ELAVL4: variants seen among roughly 807,000 people sequenced by gnomAD.
ELAVL4 encodes ELAV like RNA binding protein 4.
In ELAVL4, 1 loss-of-function variant was observed where a neutral mutation model predicts 35.6. The ratio of observed to expected loss-of-function variants is 0.03; its 90% confidence interval spans 0.01 to 0.13. The LOEUF (loss-of-function observed/expected upper bound fraction) is 0.13. Among genes scored for constraint, ELAVL4 ranks in the 10% least tolerant of loss-of-function variants. The probability of loss-of-function intolerance (pLI) is 1.00; values close to 1 mark genes in which losing one functional copy is unlikely to be tolerated. For synonymous variants in ELAVL4, 156 were observed against 171.0 expected (o/e 0.91, Z 0.69); for missense variants, 267 against 464.9 (o/e 0.57, Z 3.91).
intron 1 of ELAVL4, among the ~76,000 whole-genome samples, chr1:50,112,047 T>A (rs1418328860): frequency 4.6e-5 from 7 of 152,170 alleles, no homozygotes; most frequent in African/African-American, 1.4e-4. Context: ...AAAGTACACT[T>A]AATTTTTGCT....
chr1:50,096,267 G>T (rs151127469), intron 1 of ELAVL4, among the ~76,000 whole-genome samples: 1 of 151,704 alleles, frequency 6.6e-6, no homozygotes, highest in Non-Finnish European at 1.5e-5. Context: ...CTGTGGTAAT[G>T]CTCTGACATG....
At chr1:50,133,086 T>C (rs1671137783) in intron 1 of ELAVL4, among the ~76,000 whole-genome samples, 1 of 152,214 alleles carries the variant, frequency 6.6e-6, no homozygotes, top group Non-Finnish European at 1.5e-5. Flanking sequence ...ATGAGTTATT[T>C]AGCCATCCCC....
At chr1:50,200,159 C>T (rs1185725245) in intron 6 of ELAVL4, among the ~76,000 whole-genome samples, 2 of 152,006 alleles carry the variant, frequency 1.3e-5, no homozygotes, top group Admixed American at 6.5e-5. Flanking sequence ...CTAAATGAAA[C>T]ATGAACCACC....
chr1:50,108,626 T>A (rs1666569858), upstream of ELAVL4, among the ~76,000 whole-genome samples: 1 of 152,070 alleles, frequency 6.6e-6, no homozygotes, highest in Non-Finnish European at 1.5e-5. Flanking sequence ...TTTGCAAGCC[T>A]CCAGTGACCT....
chr1:50,118,495 A>T (rs1030259972), intron 1 of ELAVL4, among the ~76,000 whole-genome samples: 1 of 106,138 alleles, frequency 9.4e-6, no homozygotes, highest in Non-Finnish European at 1.7e-5. Flanking sequence ...CATTTGAAGG[A>T]AAAAAAAAGA....
upstream of ELAVL4, chr1:50,106,016 A>G (rs376298538): frequency 3.1e-6 from 1 of 322,162 alleles, no homozygotes; most frequent in Non-Finnish European, 5.6e-6. Context: ...TTTTCCCTAT[A>G]TTTATGAAGG....
In ELAVL4 at chr1:50,070,656, G is replaced by A. The variant is rs372284864; in HGVS notation, c.18+22474G>A. On this transcript the variant is annotated intron_variant, in intron 1 of 6. Transcript: ENST00000448907. Reference sequence around the variant, plus strand: ...ACTTAAAGGGTGAGCCAGGAGAATCGCTTGAACCCAGGAGGCGGAGGTTGC... The same window carrying A: ...ACTTAAAGGGTGAGCCAGGAGAATCACTTGAACCCAGGAGGCGGAGGTTGC... Among the ~76,000 whole-genome samples the A allele has an allele frequency of 4.0e-5, 6 of 149,478 alleles. No individual in the cohort carries two copies. In the South Asian group the frequency reaches 6.4e-4, roughly 16 times the overall value.
intron 2 of ELAVL4, among the ~76,000 whole-genome samples, chr1:50,168,295 G>C (rs538359417): frequency 6.6e-6 from 1 of 152,102 alleles, no homozygotes; most frequent in Admixed American, 6.5e-5. Context: ...GCTTCATTAG[G>C]ATCCTCCCAC....
chr1:50,200,500 TGGGGTGGGGTGGAGTC>T (rs1330820502), intron 6 of ELAVL4, among the ~76,000 whole-genome samples: 1 of 137,198 alleles, frequency 7.3e-6, no homozygotes, highest in Non-Finnish European at 1.6e-5. Context: ...TGTCTATTGT[TGGGGTGGGGTGGAGTC>T]GGGGTGGGGT....
chr1:50,157,810 G>T (rs1676019207), intron 2 of ELAVL4, among the ~76,000 whole-genome samples: 1 of 152,150 alleles, frequency 6.6e-6, no homozygotes, highest in Non-Finnish European at 1.5e-5. Flanking sequence ...TTGGGAAGCT[G>T]GTGTCCACAT....
At chr1:50,167,564 C>T (rs1029759660) in intron 2 of ELAVL4, among the ~76,000 whole-genome samples, 2 of 152,212 alleles carry the variant, frequency 1.3e-5, no homozygotes, top group East Asian at 1.9e-4. Flanking sequence ...ATCAAGGGCT[C>T]GATAGTGGTC....
intron 1 of ELAVL4, among the ~76,000 whole-genome samples, chr1:50,079,061 G>T (rs1299151472): frequency 6.6e-6 from 1 of 152,072 alleles, no homozygotes; most frequent in Non-Finnish European, 1.5e-5. Flanking sequence ...TGCCATCTAA[G>T]ATGTTCAGTT....
Position 50,084,319 on chromosome 1 carries a change from A to G in ELAVL4, c.18+36137A>G, listed in dbSNP as rs140427687. Among the ~76,000 whole-genome samples the G allele has an allele frequency of 5.1e-3, 781 of 152,262 alleles. 7 individuals are homozygous for G. The highest frequency in any genetic ancestry group is 0.02 in the South Asian group (97 of 4,820). On this transcript the variant is annotated intron_variant, in intron 1 of 6. Transcript: ENST00000448907. ...TAATTCTAATTTTATAGATTTGGTA[A>G]CTAAGCTTAGAAAGGTTAAATAATT...
chr1:50,195,111 C>CTA (rs1643958213), intron 4 of ELAVL4, among the ~76,000 whole-genome samples: 1 of 152,116 alleles, frequency 6.6e-6, no homozygotes, highest in Non-Finnish European at 1.5e-5. Context: ...AGAATAGGTA[C>CTA]TATGCACAAG....
chr1:50,119,977 C>T (rs1668749640), intron 1 of ELAVL4, among the ~76,000 whole-genome samples: 1 of 151,438 alleles, frequency 6.6e-6, no homozygotes, highest in Admixed American at 6.6e-5. Context: ...GGAATATGTC[C>T]AGCTCAGCCA....
At chr1:50,104,590 C>T (rs1367865107), upstream of ELAVL4, among the ~76,000 whole-genome samples, 1 of 152,122 alleles carries the variant, frequency 6.6e-6, no homozygotes, top group East Asian at 1.9e-4. Context: ...ACTGTCAACA[C>T]CTGTGTTTGC....
At chr1:50,094,492 T>C (rs1285986512) in intron 1 of ELAVL4, among the ~76,000 whole-genome samples, 3 of 152,206 alleles carry the variant, frequency 2.0e-5, no homozygotes, top group Non-Finnish European at 2.9e-5. Flanking sequence ...ATGGTAATAA[T>C]TCAAGACAGG....
At chr1:50,188,126 T>C (rs1481009011) in intron 3 of ELAVL4, among the ~76,000 whole-genome samples, 2 of 152,122 alleles carry the variant, frequency 1.3e-5, no homozygotes, top group Admixed American at 6.5e-5. Flanking sequence ...CCAGCAATAG[T>C]GTAGGATGCC....
At chr1:50,119,729 G>A (rs1668700736) in intron 1 of ELAVL4, among the ~76,000 whole-genome samples, 1 of 151,784 alleles carries the variant, frequency 6.6e-6, no homozygotes, top group African/African-American at 2.4e-5. Context: ...GAACAAGTTC[G>A]CATTCTAGAA....
Sources: allele counts gnomAD v4.1 joint callset (sites outside exome capture counted in the v4.1 genomes callset), GRCh38; gene constraint gnomAD v4.1.1; transcripts MANE v1.5; gene names NCBI Gene and HGNC (gene_info 2026-07-23, HGNC 2026-07-21).